MNAT1: variants seen among roughly 807,000 people sequenced by gnomAD.
The protein encoded by MNAT1 is MNAT1 component of CDK activating kinase.
In MNAT1, 43 loss-of-function variants were observed where a neutral mutation model predicts 42.0. That is an observed-to-expected ratio of 1.02 (90% CI 0.80 to 1.32). MNAT1 has a LOEUF of 1.32. MNAT1 is among the 40% of genes most tolerant of loss of function. The probability of loss-of-function intolerance (pLI) is 0.00; values close to 1 mark genes in which losing one functional copy is unlikely to be tolerated. For synonymous variants in MNAT1, 118 were observed against 120.0 expected (o/e 0.98, Z 0.11); for missense variants, 306 against 350.4 (o/e 0.87, Z 1.01).
intron 7 of MNAT1, among the ~76,000 whole-genome samples, chr14:60,934,311 C>T (rs924690331): frequency 5.0e-4 from 76 of 152,296 alleles, no homozygotes; most frequent in African/African-American, 1.8e-3. Flanking sequence ...TTCCTTGGTG[C>T]CTTCCTGGCC....
intron 7 of MNAT1, among the ~76,000 whole-genome samples, chr14:60,889,302 C>A (rs2034772287): frequency 6.6e-6 from 1 of 152,128 alleles, no homozygotes; most frequent in African/African-American, 2.4e-5. Flanking sequence ...GCTGCATTAT[C>A]TACAACTATC....
chr14:60,798,654 A>G (rs2032100023), intron 3 of MNAT1, among the ~76,000 whole-genome samples: 1 of 152,150 alleles, frequency 6.6e-6, no homozygotes, highest in African/African-American at 2.4e-5. Flanking sequence ...CAGAGGTTGG[A>G]GTAATCTTTG....
At chr14:60,887,543 T>C (rs1270532747) in intron 7 of MNAT1, among the ~76,000 whole-genome samples, 1 of 151,688 alleles carries the variant, frequency 6.6e-6, no homozygotes, top group African/African-American at 2.4e-5. Context: ...TTCATCCATG[T>C]CCCTACAAAG....
At chr14:60,949,645 T>G (rs2036344899) in intron 7 of MNAT1, among the ~76,000 whole-genome samples, 1 of 152,184 alleles carries the variant, frequency 6.6e-6, no homozygotes, top group Admixed American at 6.5e-5. Context: ...GGAAAATATT[T>G]TCTTTACACA....
intron 7 of MNAT1, among the ~76,000 whole-genome samples, chr14:60,907,301 C>A (rs2035221007): frequency 6.6e-6 from 1 of 151,748 alleles, no homozygotes; most frequent in African/African-American, 2.4e-5. Flanking sequence ...GGTGTGGTGG[C>A]ACGCGCCTGT....
intron 7 of MNAT1, among the ~76,000 whole-genome samples, chr14:60,957,710 C>T (rs1006936954): frequency 2.0e-5 from 3 of 152,054 alleles, no homozygotes; most frequent in African/African-American, 7.2e-5. Context: ...AGCTCTAGTT[C>T]TTTTCTGGAA....
intron 1 of MNAT1, among the ~76,000 whole-genome samples, chr14:60,757,373 T>C (rs939025310): frequency 1.3e-5 from 2 of 152,112 alleles, no homozygotes; most frequent in African/African-American, 4.8e-5. Context: ...TTTTGCAGTA[T>C]TTTAGTGCAT....
intron 6 of MNAT1, among the ~76,000 whole-genome samples, chr14:60,819,485 G>A (rs1426558168): frequency 6.6e-6 from 1 of 151,654 alleles, no homozygotes; most frequent in Non-Finnish European, 1.5e-5. Flanking sequence ...TAAATATGTA[G>A]CATTCAAATT....
At chr14:60,910,112 T>A (rs922576531) in intron 7 of MNAT1, among the ~76,000 whole-genome samples, 6 of 152,242 alleles carry the variant, frequency 3.9e-5, no homozygotes, top group Non-Finnish European at 7.3e-5. Flanking sequence ...CACTCATGAT[T>A]TGGCTCTCTG....
At chr14:60,809,456 C>T (rs1223216814) in intron 4 of MNAT1, among the ~76,000 whole-genome samples, 8 of 151,992 alleles carry the variant, frequency 5.3e-5, no homozygotes, top group African/African-American at 1.9e-4. Flanking sequence ...ACTCTCTTTG[C>T]CTAGTAACCT....
chr14:60,895,864 A>G (rs151200064), intron 7 of MNAT1, among the ~76,000 whole-genome samples: 2 of 152,320 alleles, frequency 1.3e-5, no homozygotes, highest in African/African-American at 4.8e-5. Flanking sequence ...AGAGTAGTAC[A>G]GTTTTTTTGT....
chr14:60,856,150 CTG>C (rs1340347931), intron 6 of MNAT1, among the ~76,000 whole-genome samples: 1 of 152,184 alleles, frequency 6.6e-6, no homozygotes, highest in Admixed American at 6.5e-5. Flanking sequence ...GTGCTGAACA[CTG>C]AGACAAATTG....
intron 6 of MNAT1, among the ~76,000 whole-genome samples, chr14:60,847,253 A>T (rs2033705339): frequency 6.6e-6 from 1 of 152,054 alleles, no homozygotes; most frequent in Non-Finnish European, 1.5e-5. Context: ...AAATACAAAA[A>T]ATTAGCTGGG....
intron 7 of MNAT1, among the ~76,000 whole-genome samples, chr14:60,891,181 A>G (rs933196679): frequency 2.0e-5 from 3 of 151,690 alleles, no homozygotes; most frequent in Non-Finnish European, 4.4e-5. Flanking sequence ...CTTTTTCCTT[A>G]GTCTATTTAG....
At position 60,812,086 on chromosome 14, in the gene MNAT1, A is replaced by C; in HGVS notation, c.520A>C (p.Ile174Leu). 6.3e-7 allele frequency: 1 copy of C among 1,593,144 alleles called. No individual in the cohort carries two copies. The change falls in exon 5 of 8, where the codon ATT (isoleucine) becomes CTT (leucine). Residue 174 changes from isoleucine to leucine, a missense_variant. Ile to Leu is a conservative substitution (Grantham distance 5). Coordinates refer to ENST00000261245, the MANE Select transcript of MNAT1 (RefSeq NM_002431.4). ...ACAAAAAGAAGAACAACTGCAGCAG[A>C]TTCTAAAAAGGAAGAATAAGCAGGC... ...FIQKEEQLQQ[I>L]LKRKNKQAFL... is the part of the protein sequence containing the mutation.
intron 7 of MNAT1, among the ~76,000 whole-genome samples, chr14:60,951,401 T>G (rs1388220402): frequency 6.6e-6 from 1 of 151,910 alleles, no homozygotes; most frequent in East Asian, 1.9e-4. Context: ...AACATTTCCT[T>G]TAGTGGTTCT....
intron 6 of MNAT1, among the ~76,000 whole-genome samples, chr14:60,860,851 C>T (rs2034080076): frequency 6.6e-6 from 1 of 152,066 alleles, no homozygotes; most frequent in Non-Finnish European, 1.5e-5. Context: ...TATGAAGAAA[C>T]AAAATAAATA....
chr14:60,780,541 T>G, intron 1 of MNAT1: 2 of 1,539,976 alleles, frequency 1.3e-6, no homozygotes, highest in South Asian at 2.2e-5. Context: ...CATTTACTAC[T>G]ACAATCCACA....
chr14:60,947,020 A>G (rs1379144531), intron 7 of MNAT1, among the ~76,000 whole-genome samples: 3 of 152,194 alleles, frequency 2.0e-5, no homozygotes, highest in Non-Finnish European at 4.4e-5. Flanking sequence ...AAGGGCATTA[A>G]TATAGTCATG....
Sources: allele counts gnomAD v4.1 joint callset (sites outside exome capture counted in the v4.1 genomes callset), GRCh38; gene constraint gnomAD v4.1.1; transcripts MANE v1.5; gene names NCBI Gene and HGNC (gene_info 2026-07-23, HGNC 2026-07-21).